PGCKA1: variants seen among roughly 807,000 people sequenced by gnomAD.
PGCKA1 encodes the protein PDCD10 and GCKIII kinases-associated protein 1.
chr4:37,520,029 T>A, the PGCKA1 span, among the ~76,000 whole-genome samples: 1 of 152,234 alleles, frequency 6.6e-6, no homozygotes, highest in Non-Finnish European at 1.5e-5. Context: ...CATATGGTTT[T>A]TATCCTTCAT....
At chr4:37,558,312 G>A in the PGCKA1 span, among the ~76,000 whole-genome samples, 3 of 152,068 alleles carry the variant, frequency 2.0e-5, no homozygotes, top group Non-Finnish European at 4.4e-5. Flanking sequence ...GTGTGATAAT[G>A]CATGGTTCAA....
the PGCKA1 span, among the ~76,000 whole-genome samples, chr4:37,533,649 AAAC>A: frequency 1.2e-3 from 184 of 152,344 alleles, 1 homozygote; most frequent in African/African-American, 3.7e-3. Context: ...TGAATGAAAA[AAAC>A]AACAACTAAA....
chr4:37,539,407 A>G, the PGCKA1 span, among the ~76,000 whole-genome samples: 1 of 152,176 alleles, frequency 6.6e-6, no homozygotes, highest in Admixed American at 6.5e-5. Context: ...CTGTAATCCC[A>G]GCACTTTGGG....
At chr4:37,553,941 G>C in the PGCKA1 span, among the ~76,000 whole-genome samples, 1 of 152,152 alleles carries the variant, frequency 6.6e-6, no homozygotes, top group Non-Finnish European at 1.5e-5. Flanking sequence ...AATCCAAGAC[G>C]GAAAGTGATC....
chr4:37,517,651 T>C, the PGCKA1 span, among the ~76,000 whole-genome samples: 1 of 152,278 alleles, frequency 6.6e-6, no homozygotes, highest in South Asian at 2.1e-4. Context: ...TACAGATATT[T>C]ATGGGGTACA....
the PGCKA1 span, among the ~76,000 whole-genome samples, chr4:37,520,999 T>C: frequency 1.3e-5 from 2 of 152,214 alleles, no homozygotes; most frequent in African/African-American, 4.8e-5. Flanking sequence ...TTTGTTTAAC[T>C]TTTCAAAAAC....
At chr4:37,484,689 A>G in the PGCKA1 span, among the ~76,000 whole-genome samples, 1 of 152,238 alleles carries the variant, frequency 6.6e-6, no homozygotes, top group Non-Finnish European at 1.5e-5. Context: ...AGACTCCAGT[A>G]TTTCTTTATA....
chr4:37,462,673 CCTTT>C, the PGCKA1 span, among the ~76,000 whole-genome samples: 2 of 152,120 alleles, frequency 1.3e-5, no homozygotes, highest in Admixed American at 6.6e-5. Flanking sequence ...GCCGTCCATT[CCTTT>C]GTTTCTTTGA....
At chr4:37,475,525 C>T in the PGCKA1 span, among the ~76,000 whole-genome samples, 3 of 152,146 alleles carry the variant, frequency 2.0e-5, no homozygotes, top group African/African-American at 7.2e-5. Context: ...AACTCTGTCA[C>T]ACTTAAAACT....
chr4:37,523,179 C>T, the PGCKA1 span, among the ~76,000 whole-genome samples: 1 of 152,294 alleles, frequency 6.6e-6, no homozygotes, highest in Middle Eastern at 3.4e-3. Flanking sequence ...TAATTCCCCT[C>T]TGGCTAGGGC....
chr4:37,561,839 G>A, the PGCKA1 span, among the ~76,000 whole-genome samples: 3 of 152,192 alleles, frequency 2.0e-5, no homozygotes, highest in African/African-American at 7.2e-5. Flanking sequence ...AGTTGTTAAA[G>A]CACTTTATTT....
At chr4:37,459,923 C>T in the PGCKA1 span, among the ~76,000 whole-genome samples, 1 of 151,494 alleles carries the variant, frequency 6.6e-6, no homozygotes, top group African/African-American at 2.4e-5. Flanking sequence ...GTTTGCTGCA[C>T]CTGTCAACCC....
the PGCKA1 span, among the ~76,000 whole-genome samples, chr4:37,549,783 T>TG: frequency 6.6e-6 from 1 of 151,628 alleles, no homozygotes; most frequent in Non-Finnish European, 1.5e-5. Context: ...ATCAGTAGAC[T>TG]GGGGGCTGTA....
the PGCKA1 span, among the ~76,000 whole-genome samples, chr4:37,489,307 A>G: frequency 6.6e-6 from 1 of 152,150 alleles, no homozygotes; most frequent in Admixed American, 6.6e-5. Flanking sequence ...TTTTTCATAC[A>G]CTAAATTCTT....
chr4:37,546,687 C>T, the PGCKA1 span, among the ~76,000 whole-genome samples: 17 of 152,300 alleles, frequency 1.1e-4, no homozygotes, highest in South Asian at 6.2e-4. Context: ...GTTCCCTGAC[C>T]GGGAAGCGAG....
At chr4:37,576,778 T>G in the PGCKA1 span, among the ~76,000 whole-genome samples, 3 of 152,142 alleles carry the variant, frequency 2.0e-5, no homozygotes, top group African/African-American at 2.4e-5. Flanking sequence ...TTTTTAGGGT[T>G]TTTATGAAGG....
the PGCKA1 span, among the ~76,000 whole-genome samples, chr4:37,535,249 G>A: frequency 7.2e-5 from 11 of 152,302 alleles, no homozygotes; most frequent in East Asian, 3.9e-4. Flanking sequence ...AGGGCTGGGC[G>A]TGGTGGCTCA....
chr4:37,474,204 C>T, the PGCKA1 span, among the ~76,000 whole-genome samples: 1 of 152,192 alleles, frequency 6.6e-6, no homozygotes, highest in East Asian at 1.9e-4. Flanking sequence ...GGAGTGGGTT[C>T]CTGATAAAAG....
chr4:37,547,536 A>G, the PGCKA1 span, among the ~76,000 whole-genome samples: 1 of 152,176 alleles, frequency 6.6e-6, no homozygotes, highest in African/African-American at 2.4e-5. Context: ...AAAACTTAGA[A>G]CTTTGTGTGA....
Sources: allele counts gnomAD v4.1 joint callset (sites outside exome capture counted in the v4.1 genomes callset), GRCh38; gene constraint gnomAD v4.1.1; transcripts MANE v1.5; gene names NCBI Gene and HGNC (gene_info 2026-07-23, HGNC 2026-07-21).